SGCZ: variants seen among roughly 807,000 people sequenced by gnomAD.
SGCZ encodes sarcoglycan zeta.
Under a neutral mutation model 41.3 loss-of-function variants are expected in SGCZ, and 40 were observed. That is an observed-to-expected ratio of 0.97 (90% CI 0.75 to 1.26). The LOEUF (loss-of-function observed/expected upper bound fraction) is 1.26. Ranked by LOEUF, SGCZ falls within the 50% of genes most tolerant of loss-of-function variation. The pLI is 0.00. For synonymous variants in SGCZ, 206 were observed against 137.5 expected, an observed-to-expected ratio of 1.50 and a Z score of -3.49; for missense variants, 552 against 369.8, an observed-to-expected ratio of 1.49 and a Z score of -4.04.
chr8:14,427,505 C>T (rs560943082), intron 2 of SGCZ, among the ~76,000 whole-genome samples: 1 of 152,084 alleles, frequency 6.6e-6, no homozygotes, highest in East Asian at 1.9e-4. Context: ...TCCCACTCCC[C>T]ACTCGTTGCG....
intron 1 of SGCZ, among the ~76,000 whole-genome samples, chr8:15,021,883 G>C (rs7846057): frequency 0.91 from 137,874 of 152,270 alleles, 62,515 homozygotes; most frequent in Admixed American, 0.93. Flanking sequence ...CTAATTCTTA[G>C]AATTACTGAA....
chr8:14,273,066 A>G (rs898799061), intron 3 of SGCZ, among the ~76,000 whole-genome samples: 52 of 151,996 alleles, frequency 3.4e-4, no homozygotes, highest in African/African-American at 1.0e-3. Context: ...AATTTTGTAT[A>G]CAATTTCTTA....
chr8:14,669,385 G>GTAAGTAAGTAAGTAAGTAAGTAAA (rs1465447907), intron 1 of SGCZ, among the ~76,000 whole-genome samples: 27 of 55,124 alleles, frequency 4.9e-4, no homozygotes, highest in African/African-American at 3.1e-3. Context: ...AAGTAAGTAA[G>GTAAGTAAGTAAGTAAGTAAGTAAA]TAAATAAATA....
intron 1 of SGCZ, among the ~76,000 whole-genome samples, chr8:15,146,686 T>C (rs533821238): frequency 2.6e-5 from 4 of 152,188 alleles, no homozygotes; most frequent in Non-Finnish European, 5.9e-5. Context: ...GGGGAAGGAA[T>C]GGTAACATCA....
chr8:14,384,040 G>A (rs981967483), intron 2 of SGCZ, among the ~76,000 whole-genome samples: 1 of 150,984 alleles, frequency 6.6e-6, no homozygotes, highest in African/African-American at 2.4e-5. Context: ...ATGTATACAT[G>A]TGCCATATTG....
At chr8:14,217,395 G>A (rs145757112) in intron 4 of SGCZ, among the ~76,000 whole-genome samples, 1 of 149,262 alleles carries the variant, frequency 6.7e-6, no homozygotes, top group Non-Finnish European at 1.5e-5. Flanking sequence ...CTAAAGAAAC[G>A]CCTATTGTCA....
intron 1 of SGCZ, among the ~76,000 whole-genome samples, chr8:14,944,788 C>A (rs998102210): frequency 9.9e-5 from 15 of 151,962 alleles, no homozygotes; most frequent in African/African-American, 3.4e-4. Context: ...GAGACTTGAC[C>A]CCATTTTAAG....
rs186716077 is a variant in SGCZ, at chr8:14,591,665, G to C, written c.40-36739C>G. ...ATAAATCACTTCACTATGAATGAAT[G>C]CCAGTAAAAATTAAAGTGCAAAGTT... On this transcript the variant is annotated intron_variant, in intron 1 of 7. Transcript: ENST00000382080. 6.1e-3 allele frequency among the ~76,000 whole-genome samples: 923 copies of C among 152,104 alleles called. 11 individuals carry two copies. The highest frequency in any genetic ancestry group is 0.021 in the African/African-American group (877 of 41,538).
At chr8:14,855,793 A>G (rs1803527374) in intron 1 of SGCZ, among the ~76,000 whole-genome samples, 1 of 152,182 alleles carries the variant, frequency 6.6e-6, no homozygotes, top group Admixed American at 6.5e-5. Flanking sequence ...GTTAAATTCC[A>G]AAGGCAGCCT....
At chr8:14,371,027 A>G (rs193206283) in intron 2 of SGCZ, among the ~76,000 whole-genome samples, 238 of 152,114 alleles carry the variant, frequency 1.6e-3, no homozygotes, top group African/African-American at 5.7e-3. Context: ...CATTGAAAAA[A>G]GATGCATAAT....
chr8:14,438,765 C>T (rs531434326), intron 2 of SGCZ, among the ~76,000 whole-genome samples: 2 of 151,794 alleles, frequency 1.3e-5, no homozygotes, highest in African/African-American at 2.4e-5. Flanking sequence ...ATCACTGTAA[C>T]ATTATATTAA....
chr8:14,263,920 C>T (rs971654737), intron 3 of SGCZ, among the ~76,000 whole-genome samples: 2 of 152,208 alleles, frequency 1.3e-5, no homozygotes, highest in South Asian at 4.1e-4. Context: ...CGTGCCAGGC[C>T]TACCAGGGTG....
chr8:14,164,385 G>A (rs983467378), intron 5 of SGCZ, among the ~76,000 whole-genome samples, 195 bp downstream of exon 5: 1 of 152,034 alleles, frequency 6.6e-6, no homozygotes, highest in South Asian at 2.1e-4. Context: ...TGTCATTGAG[G>A]CTGCTAATAT....
At chr8:14,709,518 A>G (rs1259131849) in intron 1 of SGCZ, among the ~76,000 whole-genome samples, 1 of 152,312 alleles carries the variant, frequency 6.6e-6, no homozygotes, top group East Asian at 1.9e-4. Context: ...ACCCTTCTCA[A>G]TTGTGCAGAA....
At chr8:15,189,427 G>A (rs888496831) in intron 1 of SGCZ, among the ~76,000 whole-genome samples, 7 of 152,210 alleles carry the variant, frequency 4.6e-5, no homozygotes, top group Admixed American at 3.3e-4. Context: ...TTTTTGTAAA[G>A]AAAGCTTTCC....
chr8:14,596,362 T>G (rs1165583558), intron 1 of SGCZ, among the ~76,000 whole-genome samples: 3 of 152,156 alleles, frequency 2.0e-5, no homozygotes, highest in Non-Finnish European at 4.4e-5. Flanking sequence ...CATGAATGAC[T>G]TGAATCTTAA....
chr8:14,957,439 C>T (rs1426993553), intron 1 of SGCZ, among the ~76,000 whole-genome samples: 3 of 151,892 alleles, frequency 2.0e-5, no homozygotes, highest in African/African-American at 7.2e-5. Context: ...CCTTTCCATT[C>T]GTTGTCACTT....
intron 5 of SGCZ, among the ~76,000 whole-genome samples, chr8:14,123,665 A>T (rs950910177): frequency 6.6e-6 from 1 of 152,176 alleles, no homozygotes; most frequent in Non-Finnish European, 1.5e-5. Context: ...GCAGTTTTCA[A>T]TTTAATAGTA....
At chr8:15,125,164 C>T (rs1807634649) in intron 1 of SGCZ, among the ~76,000 whole-genome samples, 1 of 152,134 alleles carries the variant, frequency 6.6e-6, no homozygotes, top group South Asian at 2.1e-4. Flanking sequence ...AAACTCCTAT[C>T]AGTAAAACAA....
Sources: gnomAD v4.1 joint callset for allele counts (sites outside exome capture counted in the v4.1 genomes callset) on GRCh38, gnomAD v4.1.1 for gene constraint, MANE v1.5 for transcripts, NCBI Gene and HGNC (gene_info 2026-07-23, HGNC 2026-07-21) for gene names.